The following SSRP1 variants were observed in gnomAD, a reference collection of about 807,000 sequenced individuals.
SSRP1 encodes the protein structure specific recognition protein 1.
Under a neutral mutation model 84.4 loss-of-function variants are expected in SSRP1, and 21 were observed. The ratio of observed to expected loss-of-function variants is 0.25; its 90% CI spans 0.18 to 0.36. The LOEUF (loss-of-function observed/expected upper bound fraction) is 0.36, where lower values mean the gene tolerates loss of function less well. Among genes scored for constraint, SSRP1 ranks in the 10% least tolerant of loss-of-function variants. The pLI is 1.00. For missense variants in SSRP1, 519 were observed against 900.8 expected (o/e 0.58, Z 5.43); for synonymous variants, 319 against 318.3 (o/e 1.00, Z -0.02).
Position 57,332,011 on chromosome 11 carries a change from CA to C in SSRP1, c.1002-123del, listed in dbSNP as rs1856102176. 6.6e-7 allele frequency: 1 copy of C among 1,515,074 alleles called. No individual in the cohort carries two copies. The highest frequency in any genetic ancestry group is 1.4e-5 in the African/African-American group (1 of 72,620). 93.9% of individuals were successfully genotyped at this position (1,515,074 alleles called of 1,614,324 possible). ...AGTAAACCTCACTGAGCTGTTCTGA[CA>C]GAGGCGCTGGCACCTATTGTGACAC... On this transcript the variant is annotated intron_variant, in intron 8 of 16. Coordinates refer to ENST00000278412, the MANE Select transcript of SSRP1 (RefSeq NM_003146.3). This position sits in a 1 kb window ranked among gnomAD's most constrained non-coding sequence, Gnocchi z 5.5.
At chr11:57,326,551 G>GC in intron 16 of SSRP1, 73 bp from the exon 17 acceptor site, 1 of 1,605,320 alleles carries the variant, frequency 6.2e-7, no homozygotes, top group Non-Finnish European at 8.5e-7. Context: ...TGAAGGGCCC[G>GC]CAATTCCCTA....
At position 57,330,851 on chromosome 11, in the gene SSRP1, G is replaced by T. The variant is rs1156353247; in HGVS notation, c.1296+4C>A. ...AGGGTCTCATCCTCCCCACACAGAA[G>T]TACCTCTTTCAATCCTCGGTTTTTG... On this transcript the variant is annotated splice_donor_region_variant and intron_variant, in intron 10 of 16. Transcript: ENST00000278412. The surrounding 1 kb of genome is among the most constrained non-coding windows in gnomAD (Gnocchi z 4.0). The T allele has an allele frequency of 1.2e-6, 2 of 1,614,066 alleles. No individual in the cohort carries two copies. Among genetic ancestry groups the T allele is most frequent in the Non-Finnish European group, 1.7e-6 (2 of 1,180,026 alleles).
At position 57,330,609 on chromosome 11, in the gene SSRP1, G is replaced by C; in HGVS notation, c.1297-180C>G. The C allele has an allele frequency of 2.8e-6, 4 of 1,432,398 alleles. No homozygotes were observed. The South Asian group carries it at 5.9e-5, about 21-fold the overall frequency. 88.7% of individuals were successfully genotyped at this position (1,432,398 alleles called of 1,614,324 possible). Reference sequence around the variant, plus strand: ...TGCCCAAGTACTTCCTGCCAACTGGGTTAGTCCAAGCCCCAAGCCCCTCCC... The same window carrying C: ...TGCCCAAGTACTTCCTGCCAACTGGCTTAGTCCAAGCCCCAAGCCCCTCCC... On this transcript the variant is annotated intron_variant, in intron 10 of 16. Transcript: ENST00000278412. This position sits in a 1 kb window ranked among gnomAD's most constrained non-coding sequence, Gnocchi z 4.0.
At position 57,331,656 on chromosome 11, in the gene SSRP1, G is replaced by A. The variant is rs747375379; in HGVS notation, c.1223+12C>T. The A allele has an allele frequency of 6.2e-7, 1 of 1,606,916 alleles. No homozygotes were observed. The highest frequency in any genetic ancestry group is 8.5e-7 in the Non-Finnish European group (1 of 1,173,498). On this transcript the variant is annotated intron_variant, in intron 9 of 16. Coordinates refer to ENST00000278412, the MANE Select transcript of SSRP1 (RefSeq NM_003146.3). ...CCAGGATGCCCAGGAAGTGACAGGT[G>A]GAGGTTCTCACCTCTCAATGCTGCT...
rs1183550049 is a variant in SSRP1 at position 57,330,452 on chromosome 11, T to C, written c.1297-23A>G. 2.5e-6 allele frequency: 4 copies of C among 1,612,490 alleles called. No homozygotes were observed. The highest frequency in any genetic ancestry group is 3.4e-6 in the Non-Finnish European group (4 of 1,179,780). ...GCCCTAGCCAGGGAAGAGTTCACGG[T>C]GGGGCCAACTCACCCTCGAGCCAGA... is the stretch of plus-strand genomic sequence containing the variant. On this transcript the variant is annotated intron_variant, in intron 10 of 16. Transcript: ENST00000278412. The surrounding 1 kb of genome is among the most constrained non-coding windows in gnomAD (Gnocchi z 4.0).
chr11:57,326,063 G>C lies in SSRP1; in HGVS notation c.*344C>G, dbSNP rs1365622969. 3.4e-6 allele frequency: 1 copy of C among 298,246 alleles called. No individual in the cohort carries two copies. Among genetic ancestry groups the C allele is most frequent in the Non-Finnish European group, 6.3e-6 (1 of 159,934 alleles). 18.5% of individuals were successfully genotyped at this position (298,246 alleles called of 1,614,324 possible). On this transcript the variant is annotated 3_prime_UTR_variant, in exon 17 of 17. Coordinates refer to ENST00000278412, the MANE Select transcript of SSRP1 (RefSeq NM_003146.3). Reference sequence around the variant, plus strand: ...AAAATGAAAGTAGAAATAGGCCCCAGGTAGGAGCTACAGGCCTGGCCTCAC... The same window carrying C: ...AAAATGAAAGTAGAAATAGGCCCCACGTAGGAGCTACAGGCCTGGCCTCAC...
At position 57,332,255 on chromosome 11, in the gene SSRP1, C is replaced by T; in HGVS notation, c.898G>A (p.Gly300Ser). 2 of 1,614,012 alleles carry T rather than the reference C, an allele frequency of 1.2e-6. No homozygotes were observed. The highest frequency in any genetic ancestry group is 2.7e-5 in the African/African-American group (2 of 74,986). ...NEEEVEKRFE[G>S]RLTKNMSGSL... is the part of the protein sequence containing the mutation. Reference sequence around the variant, plus strand: ...CCTGACATGTTCTTGGTGAGCCGACCCTCAAAGCGCTTCTCCACTTCTTCC... The same window carrying T: ...CCTGACATGTTCTTGGTGAGCCGACTCTCAAAGCGCTTCTCCACTTCTTCC... The change falls in exon 8 of 17, where the codon GGT (glycine) becomes AGT (serine). Residue 300 changes from glycine (G) to serine (S), a missense_variant. By Grantham distance (56) the Gly-to-Ser change is moderately conservative. This residue lies in a region of SSRP1 where 159 missense variants were observed against 359.0 expected (regional missense o/e 0.44). Coordinates refer to ENST00000278412, the MANE Select transcript of SSRP1 (RefSeq NM_003146.3). The surrounding 1 kb of genome is among the most constrained non-coding windows in gnomAD (Gnocchi z 5.5).
At chr11:57,327,246 G>C (rs972346499) in intron 15 of SSRP1, 180 bp downstream of exon 15, 2 of 718,066 alleles carry the variant, frequency 2.8e-6, no homozygotes, top group African/African-American at 3.5e-5. Context: ...CCAGTGACTT[G>C]AATGCCCTAT....
Position 57,335,185 on chromosome 11 carries a change from T to C in SSRP1, c.-64A>G. The C allele has an allele frequency of 6.3e-7, 1 of 1,583,612 alleles. No individual in the cohort carries two copies. The highest frequency in any genetic ancestry group is 8.7e-7 in the Non-Finnish European group (1 of 1,153,376). On this transcript the variant is annotated 5_prime_UTR_variant, in exon 2 of 17. Coordinates refer to ENST00000278412, the MANE Select transcript of SSRP1 (RefSeq NM_003146.3). This position sits in a 1 kb window ranked among gnomAD's most constrained non-coding sequence, Gnocchi z 4.6. ...GCTGCACAAGGGAAACCAAGTAAAC[T>C]GGGAGCTGGGCCCCAACTCCTGAGT...
chr11:57,329,463 T>G (rs1281821185), intron 12 of SSRP1: 1 of 155,856 alleles, frequency 6.4e-6, no homozygotes, highest in Non-Finnish European at 1.4e-5. Flanking sequence ...ACTTCTGGTG[T>G]TGTTTTAAAC....
chr11:57,333,252 G>A (rs1020198013), intron 4 of SSRP1, 103 bp from the exon 5 acceptor site: 3 of 1,361,680 alleles, frequency 2.2e-6, no homozygotes, highest in African/African-American at 1.4e-5. Flanking sequence ...ACTGCGGTTA[G>A]TCTGTTTAGA....
chr11:57,326,357 G>A lies in SSRP1; in HGVS notation c.*50C>T, dbSNP rs756248127. ...GAAACTGGTACCAAAATATGGGTGG[G>A]GAGTCGGGGGGTGTGAGAAGGCAAG... On this transcript the variant is annotated 3_prime_UTR_variant, in exon 17 of 17. Coordinates refer to ENST00000278412, the MANE Select transcript of SSRP1 (RefSeq NM_003146.3). 1.3e-6 allele frequency: 2 copies of A among 1,557,114 alleles called. No individual in the cohort carries two copies. Among genetic ancestry groups the A allele is most frequent in the Non-Finnish European group, 1.8e-6 (2 of 1,129,956 alleles).
chr11:57,328,248 C>G, intron 13 of SSRP1, 49 bp downstream of exon 13: 1 of 1,598,950 alleles, frequency 6.3e-7, no homozygotes, highest in Admixed American at 1.7e-5. Flanking sequence ...GCCTCCCACG[C>G]CCCCCACCCA....
chr11:57,327,790 G>A lies in SSRP1; in HGVS notation c.1704C>T (p.Asp568=), dbSNP rs1482849360. The part of the protein sequence containing the change: ...LNASREKIKS[D]HPGISITDLS... ...GATCCGTGATGCTGATGCCAGGATGGTCTGACTTGATCTTCTCTCGGCTGG... is the reference window on the plus strand; with the variant it reads ...GATCCGTGATGCTGATGCCAGGATGATCTGACTTGATCTTCTCTCGGCTGG... The change falls in exon 14 of 17, where the codon GAC becomes GAT. Residue 568 remains aspartate, a synonymous_variant. Coordinates refer to ENST00000278412, the MANE Select transcript of SSRP1 (RefSeq NM_003146.3). 3.1e-6 allele frequency: 5 copies of A among 1,614,102 alleles called. No individual in the cohort carries two copies. In the East Asian group the frequency reaches 1.1e-4, roughly 36 times the overall value.
rs1427622260 is a variant in SSRP1, at chr11:57,326,752, T to C, written c.2009A>G (p.Glu670Gly). The change falls in exon 16 of 17, where the codon GAG (glutamate) becomes GGG (glycine). Residue 670 changes from glutamate (E) to glycine (G), a missense_variant. Around this residue, in one of 7 missense-constraint regions of SSRP1, gnomAD observed 197 missense variants for 265.0 expected, o/e 0.74. Coordinates refer to ENST00000278412, the MANE Select transcript of SSRP1 (RefSeq NM_003146.3). ...FKSKEFVSSD[E>G]SSSGENKSKK... is the part of the protein sequence containing the mutation. The stretch of plus-strand genomic sequence containing the variant: ...GCTCTTGTTCTCTCCCGAAGAGCTC[T>C]CATCACTAGACACAAACTCTTTGCT... The C allele has an allele frequency of 2.5e-6, 4 of 1,614,150 alleles. No homozygotes were observed. In the African/African-American group the frequency reaches 5.3e-5, roughly 22 times the overall value.
Position 57,332,052 on chromosome 11 carries a change from G to A in SSRP1, c.1001+100C>T. The A allele has an allele frequency of 6.3e-7, 1 of 1,580,792 alleles. No individual in the cohort carries two copies. The highest frequency in any genetic ancestry group is 1.2e-5 in the South Asian group (1 of 86,630). On this transcript the variant is annotated intron_variant, in intron 8 of 16. Transcript: ENST00000278412. This position sits in a 1 kb window ranked among gnomAD's most constrained non-coding sequence, Gnocchi z 5.5. ...TATTGTGACACAAGGTCCCATCCAG[G>A]CCTCTAGGAGGCCGCATTCCCATCT...
Position 57,330,698 on chromosome 11 carries a change from A to AATGC in SSRP1, c.1296+156_1296+157insGCAT. ...GACTGGTCTAAGGTCATGCAGAGGA[A>AATGC]ACCTGCACCAGGAGGGGGAAAGGGT... On this transcript the variant is annotated intron_variant, in intron 10 of 16. Coordinates refer to ENST00000278412, the MANE Select transcript of SSRP1 (RefSeq NM_003146.3). This position sits in a 1 kb window ranked among gnomAD's most constrained non-coding sequence, Gnocchi z 4.0. 6.7e-7 allele frequency: 1 copy of AATGC among 1,483,274 alleles called. No individual in the cohort carries two copies. Among genetic ancestry groups the AATGC allele is most frequent in the Non-Finnish European group, 8.9e-7 (1 of 1,120,130 alleles). The allele number at this position is 1,483,274 out of a possible 1,614,324, so 91.9% of individuals were successfully genotyped here.
At chr11:57,334,702 T>C in intron 2 of SSRP1, 54 bp from the exon 3 acceptor site, 7 of 1,589,852 alleles carry the variant, frequency 4.4e-6, no homozygotes, top group Non-Finnish European at 6.0e-6. Context: ...ATGTCCTGGG[T>C]TCTACAGCTC....
Sources: allele counts gnomAD v4.1 joint callset, GRCh38; gene constraint gnomAD v4.1.1; regional missense constraint gnomAD v4.1.1; non-coding constraint Gnocchi (gnomAD v3.1); transcripts MANE v1.5; gene names NCBI Gene and HGNC (gene_info 2026-07-23, HGNC 2026-07-21).